SORCS3: variants seen among roughly 807,000 people sequenced by gnomAD.
SORCS3 encodes the protein VPS10 domain-containing receptor SorCS3.
A neutral mutation model predicts 146.3 loss-of-function variants in SORCS3; 57 were observed. That is an observed-to-expected ratio of 0.39 (90% CI 0.31 to 0.49). The LOEUF is 0.49. SORCS3 is among the 20% of genes least tolerant of loss of function. The pLI is 0.92. For missense variants in SORCS3, 1,341 were observed against 1,575.5 expected (o/e 0.85, Z 2.52); for synonymous variants, 653 against 618.5 (o/e 1.06, Z -0.83).
intron 4 of SORCS3, among the ~76,000 whole-genome samples, chr10:105,015,659 A>G (rs2055160272): frequency 6.6e-6 from 1 of 152,184 alleles, no homozygotes; most frequent in East Asian, 1.9e-4. Flanking sequence ...GATTCTGGCA[A>G]ATACTCACCT....
At chr10:104,887,101 G>T (rs1357575228) in intron 2 of SORCS3, among the ~76,000 whole-genome samples, 1 of 152,164 alleles carries the variant, frequency 6.6e-6, no homozygotes, top group Non-Finnish European at 1.5e-5. Flanking sequence ...TGATTTAGTT[G>T]GGGAGACAAA....
chr10:104,992,091 G>A (rs1327114360), intron 4 of SORCS3, among the ~76,000 whole-genome samples: 6 of 152,138 alleles, frequency 3.9e-5, no homozygotes, highest in African/African-American at 7.2e-5. Flanking sequence ...AGATATTCCC[G>A]AGACATATGG....
At chr10:104,645,390 A>G (rs2015481116) in intron 1 of SORCS3, among the ~76,000 whole-genome samples, 1 of 152,200 alleles carries the variant, frequency 6.6e-6, no homozygotes, top group African/African-American at 2.4e-5. Context: ...GAGTTGGCAA[A>G]TGGCTCTGGA....
At chr10:104,825,030 A>G (rs1247211839) in intron 1 of SORCS3, among the ~76,000 whole-genome samples, 1 of 152,234 alleles carries the variant, frequency 6.6e-6, no homozygotes, top group Non-Finnish European at 1.5e-5. Flanking sequence ...CAAAGCAAGC[A>G]TTGGCATGCA....
At chr10:105,002,067 C>A (rs1275839767) in intron 4 of SORCS3, among the ~76,000 whole-genome samples, 1 of 152,070 alleles carries the variant, frequency 6.6e-6, no homozygotes, top group Non-Finnish European at 1.5e-5. Flanking sequence ...TGAGAGAGAT[C>A]AATAGGTTTC....
intron 20 of SORCS3, 129 bp from the exon 21 acceptor site, chr10:105,245,413 C>T (rs1350667144): frequency 1.6e-5 from 17 of 1,067,226 alleles, no homozygotes; most frequent in Middle Eastern, 6.1e-4. Context: ...TTTTAAGAAA[C>T]GGTATAACGT....
chr10:104,696,195 A>AATATATAATATATATCATATACAC (rs1564660993), intron 1 of SORCS3, among the ~76,000 whole-genome samples: 5 of 125,828 alleles, frequency 4.0e-5, no homozygotes, highest in African/African-American at 1.3e-4. Context: ...ATACACATAT[A>AATATATAATATATATCATATACAC]ATATATAATA....
chr10:105,003,202 T>C (rs2055072278), intron 4 of SORCS3, among the ~76,000 whole-genome samples: 1 of 152,134 alleles, frequency 6.6e-6, no homozygotes, highest in Admixed American at 6.5e-5. Flanking sequence ...TGGCATGGAG[T>C]GAAAGCTGAG....
intron 1 of SORCS3, among the ~76,000 whole-genome samples, chr10:104,833,941 C>G (rs1166544230): frequency 6.6e-6 from 1 of 152,236 alleles, no homozygotes; most frequent in African/African-American, 2.4e-5. Context: ...GTCCTCGTCT[C>G]ATAAGACAGC....
intron 5 of SORCS3, among the ~76,000 whole-genome samples, chr10:105,084,696 C>A (rs989626616): frequency 1.3e-5 from 2 of 151,016 alleles, no homozygotes; most frequent in African/African-American, 4.9e-5. Context: ...GTGCAAGCAG[C>A]AATTAAGCGT....
intron 1 of SORCS3, among the ~76,000 whole-genome samples, chr10:104,810,953 C>T (rs1401252951): frequency 6.6e-6 from 1 of 152,070 alleles, no homozygotes. Flanking sequence ...TTTTTCAAAA[C>T]TCATAGAGAT....
intron 1 of SORCS3, among the ~76,000 whole-genome samples, chr10:104,824,457 G>C (rs769598322): frequency 6.6e-6 from 1 of 152,194 alleles, no homozygotes; most frequent in Non-Finnish European, 1.5e-5. Flanking sequence ...TTAGTACCAA[G>C]CATGATGTGT....
chr10:105,041,870 A>G (rs2055340535), intron 4 of SORCS3, among the ~76,000 whole-genome samples: 1 of 152,096 alleles, frequency 6.6e-6, no homozygotes, highest in African/African-American at 2.4e-5. Context: ...CAATGCTCCC[A>G]TCTGTAAAAG....
chr10:104,668,087 C>A (rs2015805111), intron 1 of SORCS3, among the ~76,000 whole-genome samples: 1 of 152,196 alleles, frequency 6.6e-6, no homozygotes, highest in African/African-American at 2.4e-5. Flanking sequence ...AGTGTCTGGG[C>A]TGCCCAACTC....
intron 19 of SORCS3, among the ~76,000 whole-genome samples, chr10:105,219,078 A>C (rs545553440): frequency 6.6e-4 from 100 of 152,308 alleles, no homozygotes; most frequent in Non-Finnish European, 1.1e-3. Context: ...TGAGAATCAA[A>C]CTGGATGAGG....
At chr10:105,245,443 T>C in intron 20 of SORCS3, 99 bp from the exon 21 acceptor site, 1 of 1,438,676 alleles carries the variant, frequency 7.0e-7, no homozygotes. Context: ...TGTTTGTTTT[T>C]CTTTTCCAAG....
At chr10:105,201,279 A>G in intron 16 of SORCS3, 26 bp downstream of exon 16, 2 of 1,594,220 alleles carry the variant, frequency 1.3e-6, no homozygotes, top group East Asian at 2.3e-5. Flanking sequence ...TTTCATTACC[A>G]ATTCCAACCA....
At position 105,214,491 on chromosome 10, in the gene SORCS3, T is replaced by G; in HGVS notation, c.2425T>G (p.Tyr809Asp). The change falls in exon 18 of 27, where the codon TAC becomes GAC. Residue 809 changes from tyrosine to aspartate, a missense_variant. By Grantham distance (160) the Tyr-to-Asp change is radical. Transcript: ENST00000369701. ...NNCTDGLREK[Y>D]TAKAQMCPGK... ...CTGCACAGATGGGCTAAGGGAGAAG[T>G]ACACCGCCAAGGCCCAGATGTGCCC... The G allele has an allele frequency of 6.2e-7, 1 of 1,614,120 alleles. No individual in the cohort carries two copies. Among genetic ancestry groups the G allele is most frequent in the Non-Finnish European group, 8.5e-7 (1 of 1,180,002 alleles).
intron 3 of SORCS3, among the ~76,000 whole-genome samples, chr10:104,950,660 G>T (rs2019419194): frequency 1.3e-5 from 2 of 152,184 alleles, no homozygotes; most frequent in Non-Finnish European, 2.9e-5. Context: ...TAGCACAAGT[G>T]GCTTGGGGAA....
Sources: allele counts gnomAD v4.1 joint callset (sites outside exome capture counted in the v4.1 genomes callset), GRCh38; gene constraint gnomAD v4.1.1; transcripts MANE v1.5; gene names NCBI Gene and HGNC (gene_info 2026-07-23, HGNC 2026-07-21).